Variants in USP43 observed in about 807,000 individuals in gnomAD.
The protein encoded by USP43 is ubiquitin carboxyl-terminal hydrolase 43.
In USP43, 33 loss-of-function variants were observed where a neutral mutation model predicts 90.7. That is an observed-to-expected ratio of 0.36 (90% CI 0.28 to 0.49). The LOEUF is 0.49. USP43 is among the 20% of genes least tolerant of loss of function. The probability of loss-of-function intolerance (pLI) is 0.98; values close to 1 mark genes in which losing one functional copy is unlikely to be tolerated. For missense variants in USP43, 1,274 were observed against 1,476.4 expected, an observed-to-expected ratio of 0.86 and a Z score of 2.25; for synonymous variants, 598 against 615.8, an observed-to-expected ratio of 0.97 and a Z score of 0.43.
At chr17:9,662,770 C>T (rs1308630701) in intron 2 of USP43, among the ~76,000 whole-genome samples, 2 of 152,038 alleles carry the variant, frequency 1.3e-5, no homozygotes, top group African/African-American at 4.8e-5. Flanking sequence ...CTGCCACCTA[C>T]ACTGTGCTTT....
chr17:9,660,713 C>T (rs1377421736), intron 2 of USP43, among the ~76,000 whole-genome samples: 3 of 152,210 alleles, frequency 2.0e-5, no homozygotes, highest in Non-Finnish European at 4.4e-5. Flanking sequence ...CCAGCTGCTT[C>T]CTGTTCCTTA....
At position 9,686,702 on chromosome 17, in the gene USP43, A is replaced by G. The variant is rs1259678254; in HGVS notation, c.1242-96A>G. 2.6e-5 allele frequency: 27 copies of G among 1,028,394 alleles called. No individual in the cohort carries two copies. The highest frequency in any genetic ancestry group is 3.9e-5 in the Non-Finnish European group (27 of 689,546). The allele number at this position is 1,028,394 out of a possible 1,614,324, so 63.7% of individuals were successfully genotyped here. Reference sequence around the variant, plus strand: ...GTGCTTAGCTCTTGTCACTTATCCTATTGACAGGAAGCCAGGGTTAGAACA... The same window carrying G: ...GTGCTTAGCTCTTGTCACTTATCCTGTTGACAGGAAGCCAGGGTTAGAACA... On this transcript the variant is annotated intron_variant, in intron 7 of 14. Transcript: ENST00000285199. This position sits in a 1 kb window ranked among gnomAD's most constrained non-coding sequence, Gnocchi z 5.5.
At chr17:9,721,147 A>T (rs866228919) in intron 14 of USP43, among the ~76,000 whole-genome samples, 1 of 139,884 alleles carries the variant, frequency 7.1e-6, no homozygotes, top group Non-Finnish European at 1.6e-5. Context: ...ATGACCATGT[A>T]AAAAAAAATG....
At position 9,687,028 on chromosome 17, in the gene USP43, G is replaced by C. The variant is rs188280922; in HGVS notation, c.1353+119G>C. On this transcript the variant is annotated intron_variant, in intron 8 of 14. Coordinates refer to ENST00000285199, the MANE Select transcript of USP43 (RefSeq NM_153210.5). ...GTAGCCCAGGAGAGGATAATTTGCT[G>C]TTAAAGAGTGTTCATACTGTTTTAT... 1.1e-5 allele frequency: 9 copies of C among 792,698 alleles called. No individual in the cohort carries two copies. The African/African-American group carries it at 1.2e-4, about 11-fold the overall frequency. The allele number at this position is 792,698 out of a possible 1,614,324, so 49.1% of individuals were successfully genotyped here. A position where few individuals can be genotyped will look rare whatever the true frequency, so the allele number is the denominator to read the frequency against.
chr17:9,688,508 A>G (rs988329886), intron 8 of USP43, among the ~76,000 whole-genome samples: 4 of 149,302 alleles, frequency 2.7e-5, no homozygotes, highest in Non-Finnish European at 5.9e-5. Flanking sequence ...GCGCCACCAC[A>G]CCCAGCTAAT....
intron 14 of USP43, among the ~76,000 whole-genome samples, chr17:9,713,762 A>G (rs1467804171): frequency 6.6e-6 from 1 of 152,204 alleles, no homozygotes; most frequent in Admixed American, 6.5e-5. Context: ...ATAGTCAAGG[A>G]TGACTCCTTG....
chr17:9,690,411 T>A (rs401945), intron 8 of USP43, among the ~76,000 whole-genome samples: 26,302 of 151,956 alleles, frequency 0.17, 3,637 homozygotes, highest in African/African-American at 0.39. Flanking sequence ...GTTGATTTTT[T>A]AAAAAATTTT....
At chr17:9,677,900 C>A (rs1351819292) in intron 5 of USP43, among the ~76,000 whole-genome samples, 1 of 152,202 alleles carries the variant, frequency 6.6e-6, no homozygotes, top group Non-Finnish European at 1.5e-5. Context: ...CCCATCACCC[C>A]AGTGGGCTCC....
intron 13 of USP43, among the ~76,000 whole-genome samples, chr17:9,710,367 G>A (rs9892293): frequency 0.36 from 54,513 of 151,844 alleles, 11,230 homozygotes; most frequent in African/African-American, 0.58. Context: ...GCTTGGCAGT[G>A]TGGTATTCCA....
At chr17:9,650,870 C>A (rs906723576) in intron 1 of USP43, among the ~76,000 whole-genome samples, 1 of 151,986 alleles carries the variant, frequency 6.6e-6, no homozygotes, top group Admixed American at 6.6e-5. Context: ...TTTTGGGGAA[C>A]CGGCAGTATT....
chr17:9,646,088 C>T lies in USP43; in HGVS notation c.456C>T (p.Arg152=). 6.6e-7 allele frequency: 1 copy of T among 1,504,768 alleles called. No individual in the cohort carries two copies. The highest frequency in any genetic ancestry group is 8.9e-7 in the Non-Finnish European group (1 of 1,127,462). The allele number at this position is 1,504,768 out of a possible 1,614,324, so 93.2% of individuals were successfully genotyped here. Residue 152 remains arginine, a synonymous_variant, in exon 1 of 15, where the codon CGC becomes CGT. Coordinates refer to ENST00000285199, the MANE Select transcript of USP43 (RefSeq NM_153210.5). The stretch of plus-strand genomic sequence containing the variant: ...CCGAGCAGCTGGCGGCGCTGGTGCG[C>T]GCGCTCTGGACTCGCGAATACACGC... The part of the protein sequence containing the change: ...EVTEQLAALV[R]ALWTREYTPQ...
intron 8 of USP43, among the ~76,000 whole-genome samples, chr17:9,688,562 G>A: frequency 6.6e-6 from 1 of 151,732 alleles, no homozygotes; most frequent in East Asian, 1.9e-4. Flanking sequence ...TGTTGGCCAG[G>A]ATGGTCTCAA....
At chr17:9,711,529 C>T (rs930237567) in intron 13 of USP43, among the ~76,000 whole-genome samples, 1 of 152,062 alleles carries the variant, frequency 6.6e-6, no homozygotes, top group Non-Finnish European at 1.5e-5. Flanking sequence ...CCCAGGTTCA[C>T]ACAATTCTCC....
At position 9,688,141 on chromosome 17, in the gene USP43, A is replaced by G. The variant is rs1361061536; in HGVS notation, c.1353+1232A>G. On this transcript the variant is annotated intron_variant, in intron 8 of 14. Transcript: ENST00000285199. ...GCTGGGACTACAGGCGCCCGCCACC[A>G]CGCCCAGCTAACTTTTTTGTATTTT... Among the ~76,000 whole-genome samples, 2 of 151,396 alleles carry G rather than the reference A, an allele frequency of 1.3e-5. 1 individual carries two copies. The highest frequency in any genetic ancestry group is 6.3e-3 in the Middle Eastern group (2 of 316).
At position 9,701,249 on chromosome 17, in the gene USP43, C is replaced by T; in HGVS notation, c.1662+4C>T. The T allele has an allele frequency of 6.2e-7, 1 of 1,606,678 alleles. No individual in the cohort carries two copies. The highest frequency in any genetic ancestry group is 1.1e-5 in the South Asian group (1 of 89,738). On this transcript the variant is annotated splice_donor_region_variant and intron_variant, in intron 11 of 14. Transcript: ENST00000285199. The surrounding 1 kb of genome is among the most constrained non-coding windows in gnomAD (Gnocchi z 7.2). ...GTTCTACACCAAGGAGGAGCAGGTC[C>T]CGCCCTGGGGGTCCATGCCCCGGCC...
intron 2 of USP43, among the ~76,000 whole-genome samples, chr17:9,657,011 AC>A (rs1912301628): frequency 6.6e-6 from 1 of 152,024 alleles, no homozygotes; most frequent in Admixed American, 6.6e-5. Context: ...TTTTGATGGA[AC>A]CCCAAACCTT....
intron 14 of USP43, among the ~76,000 whole-genome samples, chr17:9,727,708 G>A (rs1392044778): frequency 1.3e-5 from 2 of 152,144 alleles, no homozygotes; most frequent in Non-Finnish European, 2.9e-5. Flanking sequence ...GTGCTGCCCG[G>A]CATGTAGATA....
chr17:9,726,014 A>C (rs1156931181), intron 14 of USP43, among the ~76,000 whole-genome samples: 1 of 152,170 alleles, frequency 6.6e-6, no homozygotes, highest in Non-Finnish European at 1.5e-5. Context: ...TTTGGGTAAA[A>C]TTGTGTCTAT....
intron 9 of USP43, among the ~76,000 whole-genome samples, chr17:9,695,702 C>T (rs776231026): frequency 6.6e-6 from 1 of 152,162 alleles, no homozygotes; most frequent in African/African-American, 2.4e-5. Context: ...GTTATACATC[C>T]ATTGCCACCA....
Sources: allele counts gnomAD v4.1 joint callset (sites outside exome capture counted in the v4.1 genomes callset), GRCh38; gene constraint gnomAD v4.1.1; non-coding constraint Gnocchi (gnomAD v3.1); transcripts MANE v1.5; gene names NCBI Gene and HGNC (gene_info 2026-07-23, HGNC 2026-07-21).